MTHFD1L: variants seen among roughly 807,000 people sequenced by gnomAD.
MTHFD1L encodes the protein methylenetetrahydrofolate dehydrogenase (NADP+ dependent) 1 like.
In MTHFD1L, 81 loss-of-function variants were observed where a neutral mutation model predicts 119.5. The ratio of observed to expected loss-of-function variants is 0.68; its 90% CI spans 0.57 to 0.82. MTHFD1L has a LOEUF of 0.82. Ranked by LOEUF, MTHFD1L falls within the 40% of genes least tolerant of loss-of-function variation. The probability of loss-of-function intolerance (pLI) is 0.00; values close to 1 mark genes in which losing one functional copy is unlikely to be tolerated. For missense variants in MTHFD1L, 1,125 were observed against 1,253.4 expected, an observed-to-expected ratio of 0.90 and a Z score of 1.55; for synonymous variants, 430 against 475.2, an observed-to-expected ratio of 0.90 and a Z score of 1.24.
At position 150,937,820 on chromosome 6, in the gene MTHFD1L, G is replaced by A. The variant is rs1361070178; in HGVS notation, c.1394-879G>A. Among the ~76,000 whole-genome samples, 6 of 152,166 alleles carry A rather than the reference G, an allele frequency of 3.9e-5. No homozygotes were observed. In the South Asian group the frequency reaches 8.3e-4, roughly 21 times the overall value. On this transcript the variant is annotated intron_variant, in intron 12 of 27. Coordinates refer to ENST00000367321, the MANE Select transcript of MTHFD1L (RefSeq NM_015440.5). ...TTGTGAGGATCAAATGAGAAAGCAC[G>A]TAAAGAACGAGGGCTACTGTCAAAT...
At chr6:150,901,221 C>T (rs566052898) in intron 7 of MTHFD1L, among the ~76,000 whole-genome samples, 10 of 152,256 alleles carry the variant, frequency 6.6e-5, no homozygotes, top group African/African-American at 1.7e-4. Context: ...GTAATCCCAA[C>T]ACTTTGGAAG....
chr6:151,056,558 T>C (rs1386282629), intron 26 of MTHFD1L, among the ~76,000 whole-genome samples: 1 of 152,234 alleles, frequency 6.6e-6, no homozygotes, highest in African/African-American at 2.4e-5. Context: ...CTCTTAGAGC[T>C]GTGCATTTAT....
chr6:151,071,508 G>C (rs1426250410), intron 26 of MTHFD1L, among the ~76,000 whole-genome samples: 1 of 152,034 alleles, frequency 6.6e-6, no homozygotes, highest in African/African-American at 2.4e-5. Context: ...TGCCATCATA[G>C]GAAGCTTTCA....
intron 26 of MTHFD1L, chr6:151,057,395 T>C (rs1464977324): frequency 7.8e-5 from 76 of 969,580 alleles, no homozygotes; most frequent in Non-Finnish European, 9.1e-5. Flanking sequence ...AATCCCAACA[T>C]TTTGGGAGGC....
chr6:150,903,203 A>ATTCTTTTTTTTTTTTTTTTTTTTTTT (rs1562348409), intron 7 of MTHFD1L, among the ~76,000 whole-genome samples: 1 of 85,474 alleles, frequency 1.2e-5, no homozygotes, highest in African/African-American at 5.0e-5. Context: ...TGGCTGCAAA[A>ATTCTTTTTTTTTTTTTTTTTTTTTTT]TTTTTTTTTT....
At chr6:150,938,393 A>AG (rs1491147556) in intron 12 of MTHFD1L, among the ~76,000 whole-genome samples, 2 of 152,232 alleles carry the variant, frequency 1.3e-5, no homozygotes, top group Admixed American at 6.5e-5. Flanking sequence ...GTATAGTCAC[A>AG]GAGATCTAAT....
Position 150,885,116 on chromosome 6 carries a change from C to T in MTHFD1L, c.543-518C>T, listed in dbSNP as rs188566487. On this transcript the variant is annotated intron_variant, in intron 5 of 27. Transcript: ENST00000367321. ...CAATGTCAGGGCCAGGGTGAAGTTT[C>T]CTAAGGTACTGCCTTAGAATTTTCT... Among the ~76,000 whole-genome samples, 64 of 152,186 alleles carry T rather than the reference C, an allele frequency of 4.2e-4. No individual in the cohort carries two copies. The Middle Eastern group carries it at 0.01, about 24-fold the overall frequency.
intron 24 of MTHFD1L, among the ~76,000 whole-genome samples, chr6:151,025,720 A>G (rs1215602434): frequency 3.9e-5 from 6 of 152,200 alleles, no homozygotes; most frequent in African/African-American, 1.2e-4. Flanking sequence ...AGAACCATGT[A>G]TTTGTCATTC....
At chr6:151,085,279 A>C (rs1248344238) in intron 26 of MTHFD1L, among the ~76,000 whole-genome samples, 2 of 152,086 alleles carry the variant, frequency 1.3e-5, no homozygotes, top group Non-Finnish European at 2.9e-5. Context: ...TTCTTTACAA[A>C]AGAAGAGAAA....
intron 11 of MTHFD1L, among the ~76,000 whole-genome samples, chr6:150,936,292 G>A (rs1792039115): frequency 6.6e-6 from 1 of 152,198 alleles, no homozygotes; most frequent in African/African-American, 2.4e-5. Context: ...GCAGGGAGAA[G>A]CCCTGGGCAG....
intron 7 of MTHFD1L, among the ~76,000 whole-genome samples, chr6:150,900,742 G>A (rs540437269): frequency 2.0e-5 from 3 of 152,264 alleles, no homozygotes; most frequent in East Asian, 1.9e-4. Context: ...GCGGCCGGGC[G>A]CGGTGGCTCA....
At chr6:150,916,737 CTT>C (rs57961829) in intron 8 of MTHFD1L, among the ~76,000 whole-genome samples, 2 of 72,122 alleles carry the variant, frequency 2.8e-5, no homozygotes, top group African/African-American at 8.7e-5. Context: ...GATTCTATCC[CTT>C]TTTTTTTTTT....
At chr6:151,016,478 C>T (rs763474672) in intron 24 of MTHFD1L, among the ~76,000 whole-genome samples, 3 of 151,914 alleles carry the variant, frequency 2.0e-5, no homozygotes, top group African/African-American at 4.8e-5. Context: ...CCTGCCAACA[C>T]GTCTGGCTAA....
chr6:150,944,334 C>A, intron 13 of MTHFD1L, 152 bp from the exon 14 acceptor site: 1 of 618,314 alleles, frequency 1.6e-6, no homozygotes, highest in South Asian at 2.0e-5. Flanking sequence ...ATAGTCCCAG[C>A]CTACTCAGTA....
intron 26 of MTHFD1L, among the ~76,000 whole-genome samples, chr6:151,051,359 C>G (rs957748221): frequency 1.3e-5 from 2 of 152,160 alleles, no homozygotes; most frequent in African/African-American, 4.8e-5. Context: ...CAGGCTGCGT[C>G]ATCATCATCA....
chr6:151,033,071 C>G (rs1371440194), intron 24 of MTHFD1L, among the ~76,000 whole-genome samples: 2 of 152,050 alleles, frequency 1.3e-5, no homozygotes, highest in Non-Finnish European at 2.9e-5. Context: ...TTTGGTTCAG[C>G]AGTTGTTCAC....
At chr6:150,948,690 G>C (rs1430360324) in intron 15 of MTHFD1L, among the ~76,000 whole-genome samples, 1 of 151,462 alleles carries the variant, frequency 6.6e-6, no homozygotes, top group African/African-American at 2.4e-5. Context: ...GCCCAGGCTG[G>C]AGTGCAATGG....
chr6:150,882,743 T>G lies in MTHFD1L; in HGVS notation c.418-19T>G, dbSNP rs755637560. 1 of 1,451,272 alleles carries G rather than the reference T, an allele frequency of 6.9e-7. No individual in the cohort carries two copies. The highest frequency in any genetic ancestry group is 2.8e-5 in the Admixed American group (1 of 35,510). The allele number at this position is 1,451,272 out of a possible 1,614,324, so 89.9% of individuals were successfully genotyped here. A position where few individuals can be genotyped will look rare whatever the true frequency, so the allele number is the denominator to read the frequency against. On this transcript the variant is annotated intron_variant, in intron 4 of 27. Coordinates refer to ENST00000367321, the MANE Select transcript of MTHFD1L (RefSeq NM_015440.5). ...TTCACAAAACTAATTTTTATTTTGT[T>G]TTTTTGTTTTCTCTTTAGATTATAG...
At chr6:150,892,088 A>G (rs1350356693) in intron 7 of MTHFD1L, among the ~76,000 whole-genome samples, 1 of 152,192 alleles carries the variant, frequency 6.6e-6, no homozygotes, top group Admixed American at 6.5e-5. Flanking sequence ...CAGTCACCAC[A>G]TGGTGGCAGC....
Sources: gnomAD v4.1 joint callset for allele counts (sites outside exome capture counted in the v4.1 genomes callset) on GRCh38, gnomAD v4.1.1 for gene constraint, MANE v1.5 for transcripts, NCBI Gene and HGNC (gene_info 2026-07-23, HGNC 2026-07-21) for gene names.